SIRT2: variants seen among roughly 807,000 people sequenced by gnomAD.
SIRT2 encodes the protein NAD-dependent protein deacetylase sirtuin-2.
Under a neutral mutation model 57.4 loss-of-function variants are expected in SIRT2, and 40 were observed. That is an observed-to-expected ratio of 0.70 (90% CI 0.54 to 0.91). SIRT2 has a LOEUF of 0.91. Ranked by LOEUF, SIRT2 falls within the 40% of genes least tolerant of loss-of-function variation. SIRT2 has a pLI of 0.00. For missense variants in SIRT2, 439 were observed against 510.4 expected, an observed-to-expected ratio of 0.86 and a Z score of 1.35; for synonymous variants, 161 against 195.7, an observed-to-expected ratio of 0.82 and a Z score of 1.48.
chr19:38,898,182 G>C (rs917768499), intron 2 of SIRT2, among the ~76,000 whole-genome samples, 197 bp downstream of exon 2: 18 of 152,218 alleles, frequency 1.2e-4, no homozygotes, highest in African/African-American at 4.3e-4. Flanking sequence ...GACAGGCCTG[G>C]ACTTGAGGCT....
intron 8 of SIRT2, among the ~76,000 whole-genome samples, chr19:38,885,180 G>C (rs1365608836): frequency 1.3e-5 from 2 of 152,002 alleles, no homozygotes; most frequent in Non-Finnish European, 2.9e-5. Flanking sequence ...TCACCTCCTG[G>C]GCTCAAGCCA....
chr19:38,880,631 G>T lies in SIRT2; in HGVS notation c.876+54C>A. The T allele has an allele frequency of 7.8e-7, 1 of 1,283,256 alleles. No homozygotes were observed. Among genetic ancestry groups the T allele is most frequent in the Non-Finnish European group, 1.1e-6 (1 of 918,632 alleles). The allele number at this position is 1,283,256 out of a possible 1,614,324, so 79.5% of individuals were successfully genotyped here. On this transcript the variant is annotated intron_variant, in intron 13 of 15. Transcript: ENST00000249396. The surrounding 1 kb of genome is among the most constrained non-coding windows in gnomAD (Gnocchi z 4.1). ...AGTGGGGGTTCCCTCTGAGGAAAAG[G>T]GTGAGAGGGAAGGGGGAGCCTGTGA...
intron 1 of SIRT2, chr19:38,899,028 G>C (rs1332351817): frequency 5.0e-6 from 1 of 199,768 alleles, no homozygotes; most frequent in Admixed American, 5.3e-5. Flanking sequence ...GGGAAGTTTA[G>C]AAAGGAAAAG....
At position 38,880,645 on chromosome 19, in the gene SIRT2, G is replaced by A; in HGVS notation, c.876+40C>T. On this transcript the variant is annotated intron_variant, in intron 13 of 15. Transcript: ENST00000249396. This position sits in a 1 kb window ranked among gnomAD's most constrained non-coding sequence, Gnocchi z 4.1. ...CTGAGGAAAAGGGTGAGAGGGAAGG[G>A]GGAGCCTGTGACGACGGGGGCTTGA... is the stretch of plus-strand genomic sequence containing the variant. The A allele has an allele frequency of 2.1e-6, 3 of 1,459,266 alleles. No individual in the cohort carries two copies. Among genetic ancestry groups the A allele is most frequent in the Non-Finnish European group, 2.8e-6 (3 of 1,076,180 alleles). 90.4% of individuals were successfully genotyped at this position (1,459,266 alleles called of 1,614,324 possible).
chr19:38,879,770 C>G (rs1973078426), intron 13 of SIRT2, 68 bp from the exon 14 acceptor site: 2 of 1,222,082 alleles, frequency 1.6e-6, no homozygotes, highest in African/African-American at 1.5e-5. Flanking sequence ...GACCCTGGAG[C>G]CAGGTGGCCT....
At chr19:38,896,790 A>C (rs1600131783) in intron 2 of SIRT2, among the ~76,000 whole-genome samples, 1 of 152,156 alleles carries the variant, frequency 6.6e-6, no homozygotes, top group South Asian at 2.1e-4. Context: ...TCCACTGTGC[A>C]TTTGTGAGGT....
Position 38,878,993 on chromosome 19 carries a change from G to T in SIRT2, c.*162C>A. 1 of 665,876 alleles carries T rather than the reference G, an allele frequency of 1.5e-6. No individual in the cohort carries two copies. Among genetic ancestry groups the T allele is most frequent in the Non-Finnish European group, 2.4e-6 (1 of 413,696 alleles). 41.2% of individuals were successfully genotyped at this position (665,876 alleles called of 1,614,324 possible). A position where few individuals can be genotyped will look rare whatever the true frequency, so the allele number is the denominator to read the frequency against. On this transcript the variant is annotated 3_prime_UTR_variant, in exon 16 of 16. Coordinates refer to ENST00000249396, the MANE Select transcript of SIRT2 (RefSeq NM_012237.4). ...GGTGTTAGAGATTTGCTGGGGTTGG[G>T]GGCCAGGGTTGCTGGGACCCCAGTT...
At chr19:38,899,150 G>T (rs1344992610) in intron 1 of SIRT2, among the ~76,000 whole-genome samples, 1 of 152,104 alleles carries the variant, frequency 6.6e-6, no homozygotes, top group Non-Finnish European at 1.5e-5. Context: ...CATAGGAGGG[G>T]TCAGCAGGGG....
chr19:38,879,095 G>A lies in SIRT2; in HGVS notation c.*60C>T. 6.7e-7 allele frequency: 1 copy of A among 1,497,210 alleles called. No individual in the cohort carries two copies. Among genetic ancestry groups the A allele is most frequent in the Non-Finnish European group, 8.9e-7 (1 of 1,122,952 alleles). The allele number at this position is 1,497,210 out of a possible 1,614,324, so 92.7% of individuals were successfully genotyped here. On this transcript the variant is annotated 3_prime_UTR_variant, in exon 16 of 16. Transcript: ENST00000249396. ...GAACTGCTGGTTAAGAGGGGGCCAG[G>A]CCCGGTTGGGGCTCAGCTGTCCCTG...
chr19:38,896,230 C>A (rs1973712324), intron 2 of SIRT2, among the ~76,000 whole-genome samples: 1 of 152,128 alleles, frequency 6.6e-6, no homozygotes, highest in Non-Finnish European at 1.5e-5. Flanking sequence ...CCAAGCCCAC[C>A]CTTATAAAGA....
At chr19:38,890,239 C>G (rs994391669) in intron 4 of SIRT2, 95 bp from the exon 5 acceptor site, 40 of 1,300,630 alleles carry the variant, frequency 3.1e-5, no homozygotes, top group Non-Finnish European at 4.3e-5. Context: ...TTACTCCATG[C>G]CAGGCCCTGG....
chr19:38,884,773 G>C (rs1008732831), intron 8 of SIRT2, among the ~76,000 whole-genome samples: 1 of 151,948 alleles, frequency 6.6e-6, no homozygotes, highest in African/African-American at 2.4e-5. Context: ...TTGAGACAAG[G>C]TCTCACTCTG....
intron 4 of SIRT2, among the ~76,000 whole-genome samples, chr19:38,892,326 G>A (rs531042333): frequency 6.6e-6 from 1 of 151,860 alleles, no homozygotes; most frequent in East Asian, 1.9e-4. Flanking sequence ...AACCCGGGAG[G>A]TGGAGGTTGC....
Position 38,880,402 on chromosome 19 carries a change from A to AGCAAACCTCC in SIRT2, c.876+282_876+283insGGAGGTTTGC. On this transcript the variant is annotated intron_variant, in intron 13 of 15. Transcript: ENST00000249396. This position sits in a 1 kb window ranked among gnomAD's most constrained non-coding sequence, Gnocchi z 4.1. Reference sequence around the variant, plus strand: ...GCGTGGACCCAACCCCGCCCCCCGCACTGTCTCTCCTGACCCCTGCACCCC... The same window carrying AGCAAACCTCC: ...GCGTGGACCCAACCCCGCCCCCCGCAGCAAACCTCCCTGTCTCTCCTGACCCCTGCACCCC... The AGCAAACCTCC allele has an allele frequency of 3.3e-6, 1 of 305,714 alleles. No individual in the cohort carries two copies. The highest frequency in any genetic ancestry group is 5.9e-6 in the Non-Finnish European group (1 of 170,912). The allele number at this position is 305,714 out of a possible 1,614,324, so 18.9% of individuals were successfully genotyped here.
intron 2 of SIRT2, 72 bp downstream of exon 2, chr19:38,898,307 C>G: frequency 8.2e-7 from 1 of 1,212,452 alleles, no homozygotes. Flanking sequence ...TTCCCCTTTG[C>G]CACCTCCCCC....
At chr19:38,881,750 C>T (rs1456051541) in intron 9 of SIRT2, among the ~76,000 whole-genome samples, 4 of 151,556 alleles carry the variant, frequency 2.6e-5, no homozygotes, top group Admixed American at 6.6e-5. Context: ...TGCAGTGGCA[C>T]GATCATGGCT....
At chr19:38,889,831 G>A (rs376377803) in intron 6 of SIRT2, 24 bp downstream of exon 6, 21 of 1,612,062 alleles carry the variant, frequency 1.3e-5, no homozygotes, top group African/African-American at 8.0e-5. Context: ...CCTCACAGAC[G>A]CCCCTTCCTG....
At chr19:38,890,606 C>T (rs1177987086) in intron 4 of SIRT2, 1 of 176,740 alleles carries the variant, frequency 5.7e-6, no homozygotes, top group African/African-American at 2.4e-5. Context: ...AGGAGAATCA[C>T]TTGAACCCGG....
rs1466746052 is a variant in SIRT2 at position 38,889,893 on chromosome 19, G to T, written c.337C>A (p.Pro113Thr). 3 of 1,614,196 alleles carry T rather than the reference G, an allele frequency of 1.9e-6. No homozygotes were observed. The highest frequency in any genetic ancestry group is 3.3e-5 in the Admixed American group (2 of 60,030). ...LYDNLEKYHL[P>T]YPEAIFEISY... Reference sequence around the variant, plus strand: ...ATCTCAAAGATGGCCTCTGGGTAGGGAAGATGGTACTTCTCTAGGTTGTCA... The same window carrying T: ...ATCTCAAAGATGGCCTCTGGGTAGGTAAGATGGTACTTCTCTAGGTTGTCA... Residue 113 changes from proline to threonine, a missense_variant, in exon 6 of 16, where the codon CCC becomes ACC. Coordinates refer to ENST00000249396, the MANE Select transcript of SIRT2 (RefSeq NM_012237.4).
Sources: allele counts gnomAD v4.1 joint callset (sites outside exome capture counted in the v4.1 genomes callset), GRCh38; gene constraint gnomAD v4.1.1; non-coding constraint Gnocchi (gnomAD v3.1); transcripts MANE v1.5; gene names NCBI Gene and HGNC (gene_info 2026-07-23, HGNC 2026-07-21).